GLB1: variants seen among roughly 807,000 people sequenced by gnomAD.
The protein encoded by GLB1 is beta-galactosidase.
In GLB1, 56 loss-of-function variants were observed where a neutral mutation model predicts 74.0. The observed-to-expected ratio is 0.76, with a 90% confidence interval of 0.61 to 0.94. The LOEUF (loss-of-function observed/expected upper bound fraction) is 0.94, where lower values mean the gene tolerates loss of function less well. GLB1 is among the 40% of genes least tolerant of loss of function. The pLI, the probability that GLB1 is intolerant of heterozygous loss-of-function variation, is 0.00. For missense variants in GLB1, 787 were observed against 845.5 expected (o/e 0.93, Z 0.86); for synonymous variants, 323 against 323.6 (o/e 1.00, Z 0.02).
intron 6 of GLB1, among the ~76,000 whole-genome samples, chr3:33,056,422 T>A (rs6785862): frequency 0.08 from 12,158 of 151,438 alleles, 1,555 homozygotes; most frequent in African/African-American, 0.27. Context: ...GTGTATCTTT[T>A]TTTTTTTTTG....
intron 1 of GLB1, among the ~76,000 whole-genome samples, chr3:33,084,602 AGAG>A (rs1700437254): frequency 1.3e-5 from 2 of 152,382 alleles, no homozygotes; most frequent in Middle Eastern, 3.4e-3. Flanking sequence ...TCGCAATGGA[AGAG>A]GAGAAGCGAG....
chr3:33,043,200 T>C (rs1207159849), intron 10 of GLB1, among the ~76,000 whole-genome samples: 2 of 152,212 alleles, frequency 1.3e-5, no homozygotes, highest in African/African-American at 4.8e-5. Flanking sequence ...GAGTGTATAT[T>C]GTAGGAACTT....
At chr3:33,072,973 A>C (rs1246776810) in intron 1 of GLB1, among the ~76,000 whole-genome samples, 1 of 152,164 alleles carries the variant, frequency 6.6e-6, no homozygotes, top group East Asian at 1.9e-4. Context: ...CTGAGCTGAC[A>C]ATCAGTGGCT....
intron 1 of GLB1, among the ~76,000 whole-genome samples, chr3:33,083,978 A>G (rs982313780): frequency 6.6e-6 from 1 of 152,218 alleles, no homozygotes; most frequent in South Asian, 2.1e-4. Flanking sequence ...GAAATAAAAG[A>G]AGCTCAGTGA....
Position 33,093,482 on chromosome 3 carries a change from T to C in GLB1, c.75+3529A>G. ...GGTCACCCACAATCACCGTGATGTC[T>C]GGTTCCAGCACATTCACCATCCTCA... On this transcript the variant is annotated intron_variant, in intron 1 of 15. Transcript: ENST00000307363. This position sits in a 1 kb window ranked among gnomAD's most constrained non-coding sequence, Gnocchi z 6.0. The C allele has an allele frequency of 6.2e-7, 1 of 1,614,142 alleles. No individual in the cohort carries two copies. Among genetic ancestry groups the C allele is most frequent in the Non-Finnish European group, 8.5e-7 (1 of 1,180,036 alleles).
chr3:33,068,723 C>T, intron 3 of GLB1, 97 bp downstream of exon 3: 1 of 1,603,472 alleles, frequency 6.2e-7, no homozygotes, highest in South Asian at 1.1e-5. Context: ...AGGCCCCATG[C>T]TCTCTGGAAT....
At chr3:33,090,547 GAAAC>G (rs1236235799) in intron 1 of GLB1, 1 of 985,312 alleles carries the variant, frequency 1.0e-6, no homozygotes, top group African/African-American at 1.7e-5. Flanking sequence ...TAAAAATAAA[GAAAC>G]AAATGAAATT....
At chr3:32,999,093 A>G (rs1696437458) in intron 15 of GLB1, among the ~76,000 whole-genome samples, 1 of 152,238 alleles carries the variant, frequency 6.6e-6, no homozygotes, top group Non-Finnish European at 1.5e-5. Context: ...TTGGTGTTCC[A>G]ATGCCTACAA....
chr3:33,021,755 CA>C, intron 11 of GLB1, 100 bp from the exon 12 acceptor site: 2 of 1,348,870 alleles, frequency 1.5e-6, no homozygotes, highest in Non-Finnish European at 1.0e-6. Context: ...TGGGTTTGAC[CA>C]AACCCCTAAA....
intron 10 of GLB1, among the ~76,000 whole-genome samples, chr3:33,026,201 G>C (rs918645156): frequency 6.6e-6 from 1 of 152,174 alleles, no homozygotes; most frequent in African/African-American, 2.4e-5. Flanking sequence ...AAAAGGCTAA[G>C]AGGTGTCTGC....
intron 5 of GLB1, 42 bp from the exon 6 acceptor site, chr3:33,058,311 A>G (rs1699304976): frequency 6.2e-7 from 1 of 1,612,540 alleles, no homozygotes; most frequent in Non-Finnish European, 8.5e-7. Context: ...GGAGATCCTA[A>G]TGTAGCCACC....
chr3:33,037,649 A>AT (rs1698333287), intron 10 of GLB1, among the ~76,000 whole-genome samples: 1 of 152,156 alleles, frequency 6.6e-6, no homozygotes. Context: ...TGGACACCAC[A>AT]TAAAAACTAA....
At chr3:33,023,708 A>G (rs911712886) in intron 11 of GLB1, among the ~76,000 whole-genome samples, 4 of 152,162 alleles carry the variant, frequency 2.6e-5, no homozygotes, top group African/African-American at 9.7e-5. Context: ...CGCTTTTCCT[A>G]GAATACATTG....
chr3:33,021,419 C>A (rs950614662), intron 12 of GLB1, 147 bp downstream of exon 12: 6 of 895,524 alleles, frequency 6.7e-6, no homozygotes, highest in Non-Finnish European at 3.5e-6. Flanking sequence ...CTAAAGAGAG[C>A]CTGGAAATTC....
chr3:32,985,490 C>G, the GLB1 span, among the ~76,000 whole-genome samples: 1 of 151,882 alleles, frequency 6.6e-6, no homozygotes, highest in Admixed American at 6.6e-5. Flanking sequence ...CAGGGTGTCA[C>G]CATGTGGGTC....
At chr3:33,051,057 T>C (rs928012073) in intron 9 of GLB1, among the ~76,000 whole-genome samples, 2 of 151,464 alleles carry the variant, frequency 1.3e-5, no homozygotes, top group African/African-American at 2.4e-5. Context: ...TGAAACCCCG[T>C]CTCTACTAAA....
chr3:32,998,595 GA>G (rs1021574859), intron 15 of GLB1, among the ~76,000 whole-genome samples: 19 of 151,658 alleles, frequency 1.3e-4, no homozygotes, highest in Admixed American at 9.8e-4. Context: ...CTATTACAAA[GA>G]AAGAAAGTGA....
At chr3:33,033,212 T>C (rs1698128601) in intron 10 of GLB1, among the ~76,000 whole-genome samples, 2 of 152,198 alleles carry the variant, frequency 1.3e-5, no homozygotes, top group Admixed American at 1.3e-4. Context: ...GAAGCAAGGT[T>C]TGAAATGTAT....
intron 10 of GLB1, among the ~76,000 whole-genome samples, chr3:33,040,006 T>C (rs34547154): frequency 0.14 from 21,813 of 152,034 alleles, 1,644 homozygotes; most frequent in Non-Finnish European, 0.16. Context: ...CATAAACTGA[T>C]AGAAATAAAA....
Sources: gnomAD v4.1 joint callset for allele counts (sites outside exome capture counted in the v4.1 genomes callset) on GRCh38, gnomAD v4.1.1 for gene constraint, Gnocchi (gnomAD v3.1) non-coding constraint, MANE v1.5 for transcripts, NCBI Gene and HGNC (gene_info 2026-07-23, HGNC 2026-07-21) for gene names.